OCA2: variants seen among roughly 807,000 people sequenced by gnomAD.
OCA2 encodes P protein.
A neutral mutation model predicts 100.2 loss-of-function variants in OCA2; 77 were observed. The observed-to-expected ratio is 0.77, with a 90% confidence interval of 0.64 to 0.93. OCA2 has a LOEUF of 0.93. OCA2 is among the 40% of genes least tolerant of loss of function. The probability of loss-of-function intolerance (pLI) is 0.00; values close to 1 mark genes in which losing one functional copy is unlikely to be tolerated. For missense variants in OCA2, 1,062 were observed against 1,089.1 expected, an observed-to-expected ratio of 0.98 and a Z score of 0.35; for synonymous variants, 432 against 439.2, an observed-to-expected ratio of 0.98 and a Z score of 0.21.
At chr15:28,045,990 G>A (rs943508382) in intron 2 of OCA2, among the ~76,000 whole-genome samples, 5 of 152,314 alleles carry the variant, frequency 3.3e-5, no homozygotes, top group African/African-American at 1.2e-4. Flanking sequence ...GCTCAGTGTG[G>A]AGTTGCTGCT....
the OCA2 span, among the ~76,000 whole-genome samples, chr15:27,740,307 GA>G: frequency 6.6e-6 from 1 of 152,108 alleles, no homozygotes; most frequent in Non-Finnish European, 1.5e-5. Context: ...TGGAGGGACA[GA>G]AAAAGATCAA....
In OCA2 at chr15:28,042,110, G is replaced by A. The variant is rs2043219425; in HGVS notation, c.228-9947C>T. On this transcript the variant is annotated intron_variant, in intron 2 of 23. Transcript: ENST00000354638. ...TATGTTACATATATTATTTTGTGTA[G>A]ATCAAATATTACATGCTATTTTTAA... 3.3e-5 allele frequency among the ~76,000 whole-genome samples: 5 copies of A among 152,094 alleles called. No individual in the cohort carries two copies. In the South Asian group the frequency reaches 8.3e-4, roughly 25 times the overall value.
At chr15:27,945,495 G>A (rs1470740488) in intron 18 of OCA2, among the ~76,000 whole-genome samples, 2 of 152,172 alleles carry the variant, frequency 1.3e-5, no homozygotes, top group Non-Finnish European at 2.9e-5. Flanking sequence ...CGGGGTGGGT[G>A]GGCGCCCTCC....
chr15:28,036,428 C>T (rs1343384190), intron 2 of OCA2, among the ~76,000 whole-genome samples: 1 of 152,120 alleles, frequency 6.6e-6, no homozygotes, highest in African/African-American at 2.4e-5. Context: ...CACTAGTCCT[C>T]GGTATCAGCC....
chr15:27,755,265 T>G lies in OCA2; in HGVS notation c.*123A>C. ...GTGTCAAGGTCTATTCCACTGTGTC[T>G]CTGTAGCATCTCCAGGGTAAGCACC... On this transcript the variant is annotated 3_prime_UTR_variant, in exon 24 of 24. Transcript: ENST00000354638. 1.4e-6 allele frequency: 1 copy of G among 723,692 alleles called. No individual in the cohort carries two copies. The highest frequency in any genetic ancestry group is 2.5e-6 in the Non-Finnish European group (1 of 396,612). 44.8% of individuals were successfully genotyped at this position (723,692 alleles called of 1,614,324 possible). A position where few individuals can be genotyped will look rare whatever the true frequency, so the allele number is the denominator to read the frequency against.
intron 2 of OCA2, among the ~76,000 whole-genome samples, chr15:28,053,753 T>C (rs971358069): frequency 3.9e-5 from 6 of 152,224 alleles, no homozygotes; most frequent in African/African-American, 1.4e-4. Context: ...TAGCTGAGCC[T>C]ATTCTGGGCA....
chr15:27,887,950 C>G (rs1379377443), intron 19 of OCA2, among the ~76,000 whole-genome samples: 1 of 151,830 alleles, frequency 6.6e-6, no homozygotes, highest in African/African-American at 2.4e-5. Context: ...GAGGAGGGAC[C>G]CCACTACACC....
intron 19 of OCA2, among the ~76,000 whole-genome samples, chr15:27,903,180 G>C (rs1477270639): frequency 2.6e-5 from 4 of 152,250 alleles, no homozygotes; most frequent in African/African-American, 4.8e-5. Context: ...CTCCACCTTT[G>C]TGTCGCCGGC....
chr15:27,752,045 G>A (rs932636905), downstream of OCA2, among the ~76,000 whole-genome samples: 1 of 152,236 alleles, frequency 6.6e-6, no homozygotes, highest in African/African-American at 2.4e-5. Context: ...CACTGCAGGA[G>A]GAAGTGGCTC....
At chr15:27,948,128 G>A (rs770183384) in intron 18 of OCA2, among the ~76,000 whole-genome samples, 1 of 152,164 alleles carries the variant, frequency 6.6e-6, no homozygotes, top group African/African-American at 2.4e-5. Flanking sequence ...AGCTGGGAAG[G>A]GGGAGGACAG....
chr15:27,949,293 G>A (rs1168520361), intron 18 of OCA2, among the ~76,000 whole-genome samples: 11 of 152,200 alleles, frequency 7.2e-5, no homozygotes, highest in African/African-American at 2.4e-4. Context: ...GATGTACATC[G>A]TGTGATACGA....
intron 9 of OCA2, among the ~76,000 whole-genome samples, chr15:28,003,799 G>A (rs149682884): frequency 0.017 from 2,574 of 152,036 alleles, no homozygotes; most frequent in African/African-American, 0.059. Flanking sequence ...GCCTGCTCGC[G>A]TCCTCGATCT....
intron 23 of OCA2, among the ~76,000 whole-genome samples, chr15:27,821,978 TA>T (rs1297507513): frequency 6.6e-6 from 1 of 152,226 alleles, no homozygotes; most frequent in Admixed American, 6.5e-5. Context: ...TAGCTATGGA[TA>T]ATACATCACT....
Position 28,081,310 on chromosome 15 carries a change from T to TATAGAAATAAGG in OCA2, c.227+337_227+338insCCTTATTTCTAT, listed in dbSNP as rs1353009052. Among the ~76,000 whole-genome samples, 307 of 152,346 alleles carry TATAGAAATAAGG rather than the reference T, an allele frequency of 2.0e-3. 2 individuals carry two copies. Among genetic ancestry groups the TATAGAAATAAGG allele is most frequent in the African/African-American group, 7.2e-3 (298 of 41,568 alleles). Reference sequence around the variant, plus strand: ...ACATGAAAAACAATACTCAGTTAATTCACTTGCTATATGTATAGAAATAAG... The same window carrying TATAGAAATAAGG: ...ACATGAAAAACAATACTCAGTTAATTATAGAAATAAGGCACTTGCTATATGTATAGAAATAAG... On this transcript the variant is annotated intron_variant, in intron 2 of 23. Transcript: ENST00000354638.
intron 21 of OCA2, among the ~76,000 whole-genome samples, chr15:27,869,641 C>G (rs978359839): frequency 1.3e-5 from 2 of 152,146 alleles, no homozygotes; most frequent in East Asian, 3.9e-4. Context: ...AACCTCAGAG[C>G]CCCCCAGAGG....
At chr15:27,733,576 A>G in the OCA2 span, among the ~76,000 whole-genome samples, 11 of 152,266 alleles carry the variant, frequency 7.2e-5, no homozygotes, top group African/African-American at 2.6e-4. Flanking sequence ...AGCATTTCCC[A>G]TAAACTGACA....
At chr15:27,919,080 A>C (rs749534414) in intron 19 of OCA2, among the ~76,000 whole-genome samples, 1 of 152,230 alleles carries the variant, frequency 6.6e-6, no homozygotes, top group Non-Finnish European at 1.5e-5. Flanking sequence ...AACATCATAT[A>C]GTTCTCCTCA....
intron 23 of OCA2, among the ~76,000 whole-genome samples, chr15:27,794,707 T>C (rs1487219229): frequency 6.6e-6 from 1 of 152,164 alleles, no homozygotes; most frequent in African/African-American, 2.4e-5. Flanking sequence ...CAAATGATGG[T>C]GTAGAGAAGG....
chr15:28,033,578 G>A (rs1427960146), intron 2 of OCA2, among the ~76,000 whole-genome samples: 1 of 152,120 alleles, frequency 6.6e-6, no homozygotes, highest in Admixed American at 6.6e-5. Flanking sequence ...TCATCTCTGG[G>A]CAGCACTGGG....
Sources: allele counts gnomAD v4.1 joint callset (sites outside exome capture counted in the v4.1 genomes callset), GRCh38; gene constraint gnomAD v4.1.1; transcripts MANE v1.5; gene names NCBI Gene and HGNC (gene_info 2026-07-23, HGNC 2026-07-21).